The following EXOC4 variants were observed in gnomAD, a reference collection of about 807,000 sequenced individuals.
EXOC4 encodes the protein SEC8-like 1.
Under a neutral mutation model 107.2 loss-of-function variants are expected in EXOC4, and 71 were observed. The observed-to-expected ratio is 0.66, with a 90% CI of 0.55 to 0.81. The LOEUF (loss-of-function observed/expected upper bound fraction) is 0.81, where lower values mean the gene tolerates loss of function less well. Among genes scored for constraint, EXOC4 ranks in the 30% least tolerant of loss-of-function variants. The pLI is 0.00. For missense variants in EXOC4, 1,108 were observed against 1,189.6 expected, an observed-to-expected ratio of 0.93 and a Z score of 1.01; for synonymous variants, 456 against 441.2, an observed-to-expected ratio of 1.03 and a Z score of -0.42.
intron 11 of EXOC4, among the ~76,000 whole-genome samples, chr7:133,861,851 A>G (rs887366113): frequency 6.6e-6 from 1 of 152,168 alleles, no homozygotes; most frequent in Admixed American, 6.5e-5. Flanking sequence ...CCCAATTTTA[A>G]CAAGCACCCA....
chr7:133,591,893 G>A (rs553846658), intron 9 of EXOC4, among the ~76,000 whole-genome samples: 55 of 152,274 alleles, frequency 3.6e-4, no homozygotes, highest in African/African-American at 1.3e-3. Flanking sequence ...GCAGTGATGT[G>A]TGCTGTGATC....
At chr7:133,257,202 T>C (rs983299457) in intron 1 of EXOC4, among the ~76,000 whole-genome samples, 2 of 150,094 alleles carry the variant, frequency 1.3e-5, no homozygotes, top group African/African-American at 5.0e-5. Flanking sequence ...CTTTTGGTTT[T>C]AAGTCTTGCC....
chr7:133,473,433 G>C (rs1406805440), intron 7 of EXOC4, among the ~76,000 whole-genome samples: 1 of 152,098 alleles, frequency 6.6e-6, no homozygotes, highest in Non-Finnish European at 1.5e-5. Flanking sequence ...GCCACCTATA[G>C]ACCTGTGCTT....
At chr7:133,707,368 G>A (rs112212080) in intron 10 of EXOC4, among the ~76,000 whole-genome samples, 4 of 151,790 alleles carry the variant, frequency 2.6e-5, no homozygotes, top group East Asian at 1.9e-4. Context: ...GGGTGACAGA[G>A]TGAGGCTTTT....
chr7:133,873,313 T>C lies in EXOC4; in HGVS notation c.1735-22286T>C, dbSNP rs80209082. Among the ~76,000 whole-genome samples, 263 of 152,352 alleles carry C rather than the reference T, an allele frequency of 1.7e-3. 1 individual carries two copies. The highest frequency in any genetic ancestry group is 5.9e-3 in the African/African-American group (246 of 41,594). On this transcript the variant is annotated intron_variant, in intron 11 of 17. Coordinates refer to ENST00000253861, the MANE Select transcript of EXOC4 (RefSeq NM_021807.4). ...CAATCACAACGGTCAAACGTTGTTT[T>C]TCGGCATATGTCTCATCAGGCATAG...
chr7:133,802,248 C>G (rs1009951424), intron 10 of EXOC4, among the ~76,000 whole-genome samples: 2 of 152,170 alleles, frequency 1.3e-5, no homozygotes, highest in Admixed American at 1.3e-4. Context: ...GTAATTTCCT[C>G]ACATGTAAAA....
At chr7:133,348,631 C>T (rs572006660) in intron 5 of EXOC4, among the ~76,000 whole-genome samples, 5 of 152,110 alleles carry the variant, frequency 3.3e-5, no homozygotes, top group South Asian at 2.1e-4. Context: ...TACAATTTTG[C>T]GTATTTCTAC....
intron 3 of EXOC4, among the ~76,000 whole-genome samples, chr7:133,304,519 A>G (rs529658659): frequency 6.6e-6 from 1 of 152,282 alleles, no homozygotes; most frequent in South Asian, 2.1e-4. Flanking sequence ...TTTGCTACTG[A>G]CATTTGATTA....
chr7:133,543,756 G>A (rs1800426839), intron 9 of EXOC4, among the ~76,000 whole-genome samples: 1 of 151,992 alleles, frequency 6.6e-6, no homozygotes, highest in Non-Finnish European at 1.5e-5. Context: ...CAAATTCTTT[G>A]AGATCCTCAA....
At chr7:133,498,379 A>T (rs917772349) in intron 9 of EXOC4, among the ~76,000 whole-genome samples, 5 of 152,040 alleles carry the variant, frequency 3.3e-5, no homozygotes, top group African/African-American at 1.2e-4. Context: ...AGGTGAGGAG[A>T]TTGAGACCAT....
At chr7:133,854,931 C>T (rs999298132) in intron 11 of EXOC4, among the ~76,000 whole-genome samples, 1 of 147,892 alleles carries the variant, frequency 6.8e-6, no homozygotes, top group African/African-American at 2.5e-5. Flanking sequence ...CTCATATTGT[C>T]TTCATGTCTT....
At chr7:133,302,100 C>A (rs1375125936) in intron 3 of EXOC4, among the ~76,000 whole-genome samples, 1 of 152,060 alleles carries the variant, frequency 6.6e-6, no homozygotes, top group East Asian at 1.9e-4. Context: ...TTTTTGAATT[C>A]TTGATTATAT....
intron 15 of EXOC4, among the ~76,000 whole-genome samples, chr7:134,001,333 C>T (rs1306436983): frequency 6.6e-6 from 1 of 152,094 alleles, no homozygotes. Context: ...GAAAATCATC[C>T]ACCCCACTGT....
At chr7:133,615,252 C>T (rs1802167661) in intron 9 of EXOC4, among the ~76,000 whole-genome samples, 1 of 151,860 alleles carries the variant, frequency 6.6e-6, no homozygotes, top group Admixed American at 6.6e-5. Context: ...CAAGACCAAC[C>T]CCTCCTCTTC....
intron 5 of EXOC4, among the ~76,000 whole-genome samples, chr7:133,326,775 C>A (rs1458186699): frequency 6.6e-6 from 1 of 152,220 alleles, no homozygotes; most frequent in African/African-American, 2.4e-5. Context: ...GTTTCTGCTG[C>A]CTTTCGTTCG....
intron 5 of EXOC4, among the ~76,000 whole-genome samples, chr7:133,352,183 G>A (rs1305779871): frequency 6.6e-6 from 1 of 151,852 alleles, no homozygotes; most frequent in Non-Finnish European, 1.5e-5. Flanking sequence ...GTATGTGTCT[G>A]TTAGATCTAG....
chr7:133,940,326 G>A (rs1800398183), intron 14 of EXOC4, among the ~76,000 whole-genome samples: 1 of 152,194 alleles, frequency 6.6e-6, no homozygotes, highest in African/African-American at 2.4e-5. Flanking sequence ...GTCACTGAAA[G>A]TACCCAGTAA....
intron 7 of EXOC4, among the ~76,000 whole-genome samples, chr7:133,438,922 T>C (rs1798038288): frequency 6.6e-6 from 1 of 152,190 alleles, no homozygotes; most frequent in African/African-American, 2.4e-5. Context: ...ATTAGTATAT[T>C]TTGCTGAGGT....
intron 11 of EXOC4, among the ~76,000 whole-genome samples, chr7:133,865,224 A>C (rs1798612178): frequency 6.6e-6 from 1 of 152,260 alleles, no homozygotes; most frequent in South Asian, 2.1e-4. Flanking sequence ...CTTAAAAAAA[A>C]CCACTGTGTA....
Sources: allele counts gnomAD v4.1 joint callset (sites outside exome capture counted in the v4.1 genomes callset), GRCh38; gene constraint gnomAD v4.1.1; transcripts MANE v1.5; gene names NCBI Gene and HGNC (gene_info 2026-07-23, HGNC 2026-07-21).